The following RNF43 variants were observed in gnomAD, a reference collection of about 807,000 sequenced individuals.
RNF43 encodes ring finger protein 43.
Under a neutral mutation model 78.4 loss-of-function variants are expected in RNF43, and 37 were observed. The ratio of observed to expected loss-of-function variants is 0.47; its 90% CI spans 0.36 to 0.62. RNF43 has a LOEUF of 0.62. Ranked by LOEUF, RNF43 falls within the 20% of genes least tolerant of loss-of-function variation. RNF43 has a pLI of 0.00. For synonymous variants in RNF43, 347 were observed against 395.0 expected, an observed-to-expected ratio of 0.88 and a Z score of 1.44; for missense variants, 774 against 1,007.9, an observed-to-expected ratio of 0.77 and a Z score of 3.14.
intron 8 of RNF43, among the ~76,000 whole-genome samples, chr17:58,359,736 G>C (rs1490396748): frequency 2.0e-5 from 3 of 151,910 alleles, no homozygotes; most frequent in Non-Finnish European, 4.4e-5. Flanking sequence ...AGACCAGCCT[G>C]ACCAACATGG....
chr17:58,371,081 G>C (rs777869981), intron 2 of RNF43, 48 bp from the exon 3 acceptor site: 2 of 1,511,236 alleles, frequency 1.3e-6, no homozygotes, highest in African/African-American at 2.8e-5. Context: ...GGCAGCAGGA[G>C]TGAGCTGTGA....
intron 2 of RNF43, among the ~76,000 whole-genome samples, chr17:58,414,568 A>G (rs998202641): frequency 6.6e-6 from 1 of 152,246 alleles, no homozygotes; most frequent in Non-Finnish European, 1.5e-5. Context: ...CTGTGCCCCC[A>G]GTCATTTCAT....
At chr17:58,366,952 A>T (rs1972966948) in intron 3 of RNF43, among the ~76,000 whole-genome samples, 1 of 150,486 alleles carries the variant, frequency 6.6e-6, no homozygotes, top group Admixed American at 6.6e-5. Context: ...CAGCCTCCTG[A>T]GTAGCTGGGA....
chr17:58,378,488 C>T (rs1242355717), intron 2 of RNF43, among the ~76,000 whole-genome samples: 2 of 152,184 alleles, frequency 1.3e-5, no homozygotes, highest in Non-Finnish European at 2.9e-5. Context: ...AACTCCTGGG[C>T]TCAAGTGATC....
chr17:58,400,974 T>C (rs562094713), intron 2 of RNF43, among the ~76,000 whole-genome samples: 5 of 152,124 alleles, frequency 3.3e-5, no homozygotes, highest in African/African-American at 4.8e-5. Flanking sequence ...TCACAGAGCA[T>C]TCAACTGGTG....
At position 58,358,856 on chromosome 17, in the gene RNF43, A is replaced by C. The variant is rs2143429575; in HGVS notation, c.953-33T>G. 1 of 1,459,556 alleles carries C rather than the reference A, an allele frequency of 6.9e-7. No homozygotes were observed. Among genetic ancestry groups the C allele is most frequent in the Non-Finnish European group, 9.0e-7 (1 of 1,109,698 alleles). 90.4% of individuals were successfully genotyped at this position (1,459,556 alleles called of 1,614,324 possible). On this transcript the variant is annotated intron_variant, in intron 8 of 9. Transcript: ENST00000407977. The surrounding 1 kb of genome is among the most constrained non-coding windows in gnomAD (Gnocchi z 6.2). ...AAAGAACCAAGAGCACAGATGTTTA[A>C]CTCTACAAACCTACAGAGAATGCAT...
rs2143698942 is a variant in RNF43, at chr17:58,415,666, G to A, written c.-89C>T. On this transcript the variant is annotated 5_prime_UTR_variant, in exon 2 of 10. Coordinates refer to ENST00000407977, the MANE Select transcript of RNF43 (RefSeq NM_017763.6). The stretch of plus-strand genomic sequence containing the variant: ...AGGTTCTCAGATCCAGACAAATGGA[G>A]GAAAAGAACATTTATGCTTCCGTTT... 1 of 1,451,230 alleles carries A rather than the reference G, an allele frequency of 6.9e-7. No homozygotes were observed. The highest frequency in any genetic ancestry group is 9.4e-7 in the Non-Finnish European group (1 of 1,069,146). The allele number at this position is 1,451,230 out of a possible 1,614,324, so 89.9% of individuals were successfully genotyped here.
At chr17:58,373,830 C>T (rs1567882033) in intron 2 of RNF43, among the ~76,000 whole-genome samples, 2 of 152,038 alleles carry the variant, frequency 1.3e-5, no homozygotes, top group African/African-American at 4.8e-5. Flanking sequence ...CTATCATAGC[C>T]ACTTAAAGAA....
chr17:58,402,134 T>C (rs563119559), intron 2 of RNF43, among the ~76,000 whole-genome samples: 1 of 152,328 alleles, frequency 6.6e-6, no homozygotes, highest in South Asian at 2.1e-4. Context: ...GGCAAGTCTT[T>C]GTGATTGATG....
intron 2 of RNF43, among the ~76,000 whole-genome samples, chr17:58,407,114 T>A (rs1973927919): frequency 6.9e-6 from 1 of 145,842 alleles, no homozygotes; most frequent in Admixed American, 6.9e-5. Flanking sequence ...GGTCTCATTC[T>A]GTCACCCAGG....
chr17:58,367,894 G>T (rs1333163906), intron 3 of RNF43, among the ~76,000 whole-genome samples: 1 of 152,212 alleles, frequency 6.6e-6, no homozygotes, highest in Non-Finnish European at 1.5e-5. Context: ...CATTTATTGA[G>T]TGGTTACCAT....
intron 9 of RNF43, among the ~76,000 whole-genome samples, chr17:58,355,423 C>T (rs760694554): frequency 2.6e-5 from 4 of 152,128 alleles, no homozygotes; most frequent in Non-Finnish European, 5.9e-5. Flanking sequence ...GGTCCAAGTG[C>T]AGCAATCAGG....
rs1432267956 is a variant in RNF43, at chr17:58,362,529, C to G, written c.687+15G>C. On this transcript the variant is annotated intron_variant, in intron 6 of 9. Coordinates refer to ENST00000407977, the MANE Select transcript of RNF43 (RefSeq NM_017763.6). Reference sequence around the variant, plus strand: ...CGCACACGTTCACCGCCGCCAAAGACCCCACACTGCTCACCGGCCTGCTGT... The same window carrying G: ...CGCACACGTTCACCGCCGCCAAAGAGCCCACACTGCTCACCGGCCTGCTGT... 1 of 1,597,718 alleles carries G rather than the reference C, an allele frequency of 6.3e-7. No homozygotes were observed. Among genetic ancestry groups the G allele is most frequent in the Non-Finnish European group, 8.5e-7 (1 of 1,170,978 alleles).
chr17:58,378,733 T>C (rs781530112), intron 2 of RNF43, among the ~76,000 whole-genome samples: 75 of 152,126 alleles, frequency 4.9e-4, no homozygotes, highest in Non-Finnish European at 9.0e-4. Flanking sequence ...GGAAACCTCC[T>C]TGGGGGAACA....
chr17:58,407,589 A>G (rs1207233920), intron 2 of RNF43, among the ~76,000 whole-genome samples: 1 of 152,234 alleles, frequency 6.6e-6, no homozygotes, highest in Non-Finnish European at 1.5e-5. Flanking sequence ...TAAGTTTAGA[A>G]CCCAGATAAA....
At chr17:58,391,774 G>A (rs1345694924) in intron 2 of RNF43, among the ~76,000 whole-genome samples, 2 of 152,150 alleles carry the variant, frequency 1.3e-5, no homozygotes, top group African/African-American at 4.8e-5. Flanking sequence ...CACAAAAGGA[G>A]GAGTGTTCAG....
chr17:58,382,356 A>G (rs949812440), intron 2 of RNF43, among the ~76,000 whole-genome samples: 1 of 152,246 alleles, frequency 6.6e-6, no homozygotes, highest in African/African-American at 2.4e-5. Flanking sequence ...TAATAAACAG[A>G]TGTGAGGTAA....
intron 2 of RNF43, among the ~76,000 whole-genome samples, chr17:58,373,048 T>C (rs1015281127): frequency 6.6e-6 from 1 of 152,066 alleles, no homozygotes; most frequent in Non-Finnish European, 1.5e-5. Flanking sequence ...TCTGGTGTGG[T>C]GGGGAATCTG....
rs1972714032 is a variant in RNF43 at position 58,357,565 on chromosome 17, T to C, written c.2211A>G (p.Pro737=). ...LCLTPRQPLE[P]HPPGEGPSEW... ...CAGAAGGCCCCTCCCCAGGTGGATG[T>C]GGTTCCAGGGGCTGGCGAGGAGTCA... The change falls in exon 9 of 10, where the codon CCA becomes CCG. Residue 737 remains proline (P), a synonymous_variant. Transcript: ENST00000407977. This position sits in a 1 kb window ranked among gnomAD's most constrained non-coding sequence, Gnocchi z 4.5. 1.9e-6 allele frequency: 3 copies of C among 1,614,044 alleles called. No individual in the cohort carries two copies. The highest frequency in any genetic ancestry group is 2.5e-6 in the Non-Finnish European group (3 of 1,180,024).
Sources: allele counts gnomAD v4.1 joint callset (sites outside exome capture counted in the v4.1 genomes callset), GRCh38; gene constraint gnomAD v4.1.1; non-coding constraint Gnocchi (gnomAD v3.1); transcripts MANE v1.5; gene names NCBI Gene and HGNC (gene_info 2026-07-23, HGNC 2026-07-21).